GRIK1: variants seen among roughly 807,000 people sequenced by gnomAD.
The protein encoded by GRIK1 is glutamate receptor ionotropic, kainate 1.
In GRIK1, 69 loss-of-function variants were observed where a neutral mutation model predicts 105.7. The ratio of observed to expected loss-of-function variants is 0.65; its 90% CI spans 0.54 to 0.80. The LOEUF is 0.80. GRIK1 is among the 30% of genes least tolerant of loss of function. The probability of loss-of-function intolerance (pLI) is 0.00; values close to 1 mark genes in which losing one functional copy is unlikely to be tolerated. For synonymous variants in GRIK1, 438 were observed against 431.3 expected (o/e 1.02, Z -0.19); for missense variants, 1,109 against 1,167.3 (o/e 0.95, Z 0.73).
intron 16 of GRIK1, among the ~76,000 whole-genome samples, chr21:29,551,996 T>C (rs2090143466): frequency 6.6e-6 from 1 of 152,140 alleles, no homozygotes; most frequent in Admixed American, 6.5e-5. Flanking sequence ...ATTTATGATA[T>C]TTTCTTCTGA....
chr21:29,656,010 T>C (rs568909297), intron 4 of GRIK1, among the ~76,000 whole-genome samples: 6 of 152,308 alleles, frequency 3.9e-5, no homozygotes, highest in African/African-American at 1.4e-4. Flanking sequence ...TTGGGATAGA[T>C]TACCAAAATA....
At position 29,939,399 on chromosome 21, in the gene GRIK1, C is replaced by A. The variant is rs541991858; in HGVS notation, c.102G>T (p.Pro34=). 3.9e-6 allele frequency: 6 copies of A among 1,546,298 alleles called. No homozygotes were observed. In the African/African-American group the frequency reaches 8.2e-5, roughly 21 times the overall value. The part of the protein sequence containing the change: ...FLCYILPQTA[P]QVLRIGGIFE... ...CTCACTCACCGATCCTGAGTACTTGCGGGGCGGTCTGAGGGAGGATATAGC... is the reference window on the plus strand; with the variant it reads ...CTCACTCACCGATCCTGAGTACTTGAGGGGCGGTCTGAGGGAGGATATAGC... The change falls in exon 1 of 18, where the codon CCG becomes CCT. Residue 34 remains proline, a synonymous_variant. Transcript: ENST00000327783.
At chr21:29,712,121 C>T (rs965584564) in intron 1 of GRIK1, among the ~76,000 whole-genome samples, 3 of 150,454 alleles carry the variant, frequency 2.0e-5, no homozygotes, top group African/African-American at 7.3e-5. Flanking sequence ...CACACACACA[C>T]ACATATATAT....
At chr21:29,680,613 A>T (rs1186447364) in intron 3 of GRIK1, among the ~76,000 whole-genome samples, 1 of 152,214 alleles carries the variant, frequency 6.6e-6, no homozygotes, top group Non-Finnish European at 1.5e-5. Flanking sequence ...TACATGGAAA[A>T]TTCCAGAAAT....
intron 1 of GRIK1, among the ~76,000 whole-genome samples, chr21:29,885,737 A>T (rs1384903788): frequency 6.6e-6 from 1 of 152,120 alleles, no homozygotes; most frequent in East Asian, 1.9e-4. Flanking sequence ...TCTCATGTTA[A>T]GCAATAAAAC....
At chr21:29,580,248 T>A (rs1367812134) in intron 13 of GRIK1, among the ~76,000 whole-genome samples, 7 of 151,046 alleles carry the variant, frequency 4.6e-5, no homozygotes, top group African/African-American at 1.7e-4. Flanking sequence ...TGAAAGTAAT[T>A]GCTCACAAGA....
chr21:29,578,307 T>G (rs2090942798), intron 13 of GRIK1, among the ~76,000 whole-genome samples: 1 of 152,220 alleles, frequency 6.6e-6, no homozygotes, highest in Non-Finnish European at 1.5e-5. Context: ...GTCAGCTGTC[T>G]GGTCTATAGG....
At chr21:29,758,852 G>A (rs1601618963) in intron 1 of GRIK1, 1 of 152,834 alleles carries the variant, frequency 6.5e-6, no homozygotes, top group African/African-American at 2.4e-5. Flanking sequence ...CTGTCTCAGA[G>A]CTATGGAGGA....
chr21:29,887,805 GGAA>G (rs1249999802), intron 1 of GRIK1, among the ~76,000 whole-genome samples: 1 of 152,024 alleles, frequency 6.6e-6, no homozygotes, highest in Non-Finnish European at 1.5e-5. Context: ...AGGGGAATGT[GGAA>G]GAAATTTCCA....
At chr21:29,667,251 C>A (rs918784111) in intron 4 of GRIK1, among the ~76,000 whole-genome samples, 1 of 152,076 alleles carries the variant, frequency 6.6e-6, no homozygotes, top group Non-Finnish European at 1.5e-5. Flanking sequence ...AGGGATGAAA[C>A]CAATTTAAGC....
At chr21:29,671,476 A>T (rs1244464256) in intron 4 of GRIK1, among the ~76,000 whole-genome samples, 4 of 151,338 alleles carry the variant, frequency 2.6e-5, no homozygotes, top group African/African-American at 7.3e-5. Context: ...TTGACTGCTG[A>T]TGTTCAGTGC....
intron 7 of GRIK1, among the ~76,000 whole-genome samples, chr21:29,618,123 C>A (rs1241940627): frequency 6.6e-6 from 1 of 152,178 alleles, no homozygotes; most frequent in South Asian, 2.1e-4. Context: ...AGAAGCCTTA[C>A]CTAAACTTCA....
chr21:29,537,888 A>AT lies in GRIK1; in HGVS notation c.2608-5dup. 3 of 1,189,916 alleles carry AT rather than the reference A, an allele frequency of 2.5e-6. No homozygotes were observed. Among genetic ancestry groups the AT allele is most frequent in the African/African-American group, 1.5e-5 (1 of 64,956 alleles). The allele number at this position is 1,189,916 out of a possible 1,614,324, so 73.7% of individuals were successfully genotyped here. On this transcript the variant is annotated splice_polypyrimidine_tract_variant and splice_region_variant and intron_variant, in intron 16 of 17. Coordinates refer to ENST00000327783, the MANE Select transcript of GRIK1 (RefSeq NM_001330994.2). Reference sequence around the variant, plus strand: ...TAATTCTTGATGACTTTCCTTTCTGATAAAAAAAAAAGAAAAAAAAACAAT... The same window carrying AT: ...TAATTCTTGATGACTTTCCTTTCTGATTAAAAAAAAAAGAAAAAAAAACAAT...
At chr21:29,589,185 T>C (rs2061293805) in intron 10 of GRIK1, 143 bp from the exon 11 acceptor site, 1 of 614,422 alleles carries the variant, frequency 1.6e-6, no homozygotes, top group South Asian at 2.0e-5. Context: ...TGCCTGCCTA[T>C]GTCCTCTATA....
chr21:29,608,704 AT>A (rs2061670641), intron 7 of GRIK1, among the ~76,000 whole-genome samples: 2 of 152,168 alleles, frequency 1.3e-5, no homozygotes, highest in South Asian at 4.1e-4. Flanking sequence ...AGGTTTTGCT[AT>A]AAACTACAGT....
chr21:29,582,651 CT>C (rs1417108053), intron 12 of GRIK1, among the ~76,000 whole-genome samples: 1 of 152,108 alleles, frequency 6.6e-6, no homozygotes, highest in African/African-American at 2.4e-5. Context: ...TCTGTGGTTA[CT>C]TTTGAGGACT....
At chr21:29,847,894 CTCTCTT>C (rs1165958102) in intron 1 of GRIK1, among the ~76,000 whole-genome samples, 4 of 148,974 alleles carry the variant, frequency 2.7e-5, no homozygotes, top group Admixed American at 2.0e-4. Context: ...ACTATTGTTT[CTCTCTT>C]TCTCTCTCTC....
At chr21:29,745,544 C>T (rs1020292123) in intron 1 of GRIK1, among the ~76,000 whole-genome samples, 6 of 152,240 alleles carry the variant, frequency 3.9e-5, no homozygotes, top group Non-Finnish European at 8.8e-5. Flanking sequence ...TTAGATCCCA[C>T]AGGTAGAAAG....
chr21:29,813,910 A>G lies in GRIK1; in HGVS notation c.119-119847T>C, dbSNP rs546315995. Reference sequence around the variant, plus strand: ...GGCCACGGGTTAGACCCCAAGAAACATTCTTTTTTTTTTTTTTTTTTGAGA... The same window carrying G: ...GGCCACGGGTTAGACCCCAAGAAACGTTCTTTTTTTTTTTTTTTTTTGAGA... On this transcript the variant is annotated intron_variant, in intron 1 of 17. Transcript: ENST00000327783. 6.5e-3 allele frequency among the ~76,000 whole-genome samples: 908 copies of G among 140,306 alleles called. 12 individuals are homozygous for G. Among genetic ancestry groups the G allele is most frequent in the African/African-American group, 0.022 (853 of 38,386 alleles). 92.0% of individuals were successfully genotyped at this position (140,306 alleles called of 152,430 possible). A position where few individuals can be genotyped will look rare whatever the true frequency, so the allele number is the denominator to read the frequency against.
Sources: gnomAD v4.1 joint callset for allele counts (sites outside exome capture counted in the v4.1 genomes callset) on GRCh38, gnomAD v4.1.1 for gene constraint, MANE v1.5 for transcripts, NCBI Gene and HGNC (gene_info 2026-07-23, HGNC 2026-07-21) for gene names.